PPP1R11: variants seen among roughly 807,000 people sequenced by gnomAD.
PPP1R11 encodes E3 ubiquitin-protein ligase PPP1R11.
Under a neutral mutation model 11.3 loss-of-function variants are expected in PPP1R11, and 10 were observed. That is an observed-to-expected ratio of 0.88 (90% confidence interval 0.55 to 1.50). PPP1R11 has a LOEUF of 1.50. Among genes scored for constraint, PPP1R11 ranks in the 40% most tolerant of loss-of-function variants. The probability of loss-of-function intolerance (pLI) is 0.00; values close to 1 mark genes in which losing one functional copy is unlikely to be tolerated. For synonymous variants in PPP1R11, 56 were observed against 62.3 expected, an observed-to-expected ratio of 0.90 and a Z score of 0.48; for missense variants, 114 against 179.1, an observed-to-expected ratio of 0.64 and a Z score of 2.07.
intron 1 of PPP1R11, chr6:30,067,780 A>C (rs975382036): frequency 1.0e-5 from 4 of 389,656 alleles, no homozygotes; most frequent in Non-Finnish European, 9.2e-6. Flanking sequence ...GGAGCCAGGA[A>C]GATGTTGGGA....
chr6:30,067,736 G>A (rs773811444), intron 1 of PPP1R11: 106 of 435,978 alleles, frequency 2.4e-4, no homozygotes, highest in Non-Finnish European at 3.7e-4. Context: ...GGTTATGTGT[G>A]TAAGTAATAA....
At position 30,069,319 on chromosome 6, in the gene PPP1R11, T is replaced by A; in HGVS notation, c.*13T>A. On this transcript the variant is annotated 3_prime_UTR_variant, in exon 3 of 3. Transcript: ENST00000376772. This position sits in a 1 kb window ranked among gnomAD's most constrained non-coding sequence, Gnocchi z 6.6. ...AATGCAGCACTAAATCCCTCTCTCCTCCAGCATTCCTGTGTCTGTCTGGCC... is the reference window on the plus strand; with the variant it reads ...AATGCAGCACTAAATCCCTCTCTCCACCAGCATTCCTGTGTCTGTCTGGCC... 2 of 1,517,856 alleles carry A rather than the reference T, an allele frequency of 1.3e-6. No homozygotes were observed. The highest frequency in any genetic ancestry group is 1.8e-6 in the Non-Finnish European group (2 of 1,119,862). The allele number at this position is 1,517,856 out of a possible 1,614,324, so 94.0% of individuals were successfully genotyped here.
chr6:30,069,041 A>G lies in PPP1R11; in HGVS notation c.179-63A>G, dbSNP rs1765737356. On this transcript the variant is annotated intron_variant, in intron 2 of 2. Coordinates refer to ENST00000376772, the MANE Select transcript of PPP1R11 (RefSeq NM_021959.3). The surrounding 1 kb of genome is among the most constrained non-coding windows in gnomAD (Gnocchi z 6.6). ...GAATTTTCACTGAGTTTGAGTGGGA[A>G]TGGAACTGACTATATATCTTACCCT... 1.0e-5 allele frequency: 15 copies of G among 1,462,152 alleles called. No individual in the cohort carries two copies. The highest frequency in any genetic ancestry group is 2.3e-5 in the South Asian group (2 of 86,340). The allele number at this position is 1,462,152 out of a possible 1,614,324, so 90.6% of individuals were successfully genotyped here.
chr6:30,061,848 G>C (rs971623693), upstream of PPP1R11: 10 of 1,579,734 alleles, frequency 6.3e-6, no homozygotes, highest in African/African-American at 9.4e-5. The surrounding 1 kb of genome is among the most constrained non-coding windows in gnomAD (Gnocchi z 5.0). Flanking sequence ...CCAGCCAGGG[G>C]AAAGGGGAGG....
chr6:30,066,512 T>C (rs114346141), upstream of PPP1R11, among the ~76,000 whole-genome samples: 7,138 of 152,328 alleles, frequency 0.047, 268 homozygotes, highest in Middle Eastern at 0.078. Context: ...GTAACTACAT[T>C]CAGATTTACA....
chr6:30,068,560 A>G, intron 1 of PPP1R11, 30 bp from the exon 2 acceptor site: 1 of 1,577,458 alleles, frequency 6.3e-7, no homozygotes, highest in African/African-American at 1.3e-5. Flanking sequence ...AGAGGGGACT[A>G]GATAGGTATG....
At chr6:30,068,974 TG>T in intron 2 of PPP1R11, 129 bp from the exon 3 acceptor site, 1 of 972,296 alleles carries the variant, frequency 1.0e-6, no homozygotes, top group Non-Finnish European at 1.5e-6. Flanking sequence ...TCCCAGAGGG[TG>T]GGCCTGGGGA....
At position 30,067,400 on chromosome 6, in the gene PPP1R11, G is replaced by A; in HGVS notation, c.-11G>A. 6.2e-7 allele frequency: 1 copy of A among 1,613,462 alleles called. No homozygotes were observed. Among genetic ancestry groups the A allele is most frequent in the South Asian group, 1.1e-5 (1 of 91,058 alleles). On this transcript the variant is annotated 5_prime_UTR_variant, in exon 1 of 3. Transcript: ENST00000376772. ...CCCTTCCTCCTCTCCTCCCTGTCCT[G>A]AGCCTTAGCCATGGCCGAGGCAGGG...
chr6:30,066,655 A>G (rs1454257845), upstream of PPP1R11: 1 of 152,260 alleles, frequency 6.6e-6, no homozygotes, highest in Admixed American at 6.5e-5. Context: ...GGCGTAGCAC[A>G]GTGACTGAAA....
intron 1 of PPP1R11, 26 bp downstream of exon 1, chr6:30,067,505 GT>G: frequency 1.2e-6 from 2 of 1,605,982 alleles, no homozygotes; most frequent in African/African-American, 1.3e-5. Context: ...GGGCGGTGCT[GT>G]TTAGGGGTCT....
At chr6:30,064,550 GA>G, upstream of PPP1R11, 1 of 752,390 alleles carries the variant, frequency 1.3e-6, no homozygotes, top group South Asian at 2.1e-5. Flanking sequence ...TTGTTTAGGG[GA>G]GCCAGTCCTC....
chr6:30,069,333 G>A lies in PPP1R11; in HGVS notation c.*27G>A. On this transcript the variant is annotated 3_prime_UTR_variant, in exon 3 of 3. Coordinates refer to ENST00000376772, the MANE Select transcript of PPP1R11 (RefSeq NM_021959.3). The surrounding 1 kb of genome is among the most constrained non-coding windows in gnomAD (Gnocchi z 6.6). ...TCCCTCTCTCCTCCAGCATTCCTGT[G>A]TCTGTCTGGCCCTAAATGTATCCAT... 1 of 1,530,154 alleles carries A rather than the reference G, an allele frequency of 6.5e-7. No homozygotes were observed. 94.8% of individuals were successfully genotyped at this position (1,530,154 alleles called of 1,614,324 possible).
At chr6:30,065,021 C>T (rs1235781988), upstream of PPP1R11, 3 of 275,488 alleles carry the variant, frequency 1.1e-5, no homozygotes, top group African/African-American at 4.4e-5. This position sits in a 1 kb window ranked among gnomAD's most constrained non-coding sequence, Gnocchi z 5.3. Context: ...AAAGTAGAGT[C>T]AGGAATGAGG....
intron 2 of PPP1R11, 69 bp downstream of exon 2, chr6:30,068,767 T>C: frequency 1.5e-6 from 2 of 1,361,072 alleles, no homozygotes; most frequent in Non-Finnish European, 2.1e-6. Context: ...TATCTACTCA[T>C]ATCCACTGGC....
At chr6:30,061,751 G>A (rs1765092525), upstream of PPP1R11, 2 of 1,594,668 alleles carry the variant, frequency 1.3e-6, no homozygotes, top group Non-Finnish European at 1.7e-6. This position sits in a 1 kb window ranked among gnomAD's most constrained non-coding sequence, Gnocchi z 5.0. Context: ...GGGTTGAGGA[G>A]GGGATCCTAG....
At chr6:30,063,947 G>C (rs1765312951), upstream of PPP1R11, among the ~76,000 whole-genome samples, 1 of 152,146 alleles carries the variant, frequency 6.6e-6, no homozygotes. This position sits in a 1 kb window ranked among gnomAD's most constrained non-coding sequence, Gnocchi z 4.1. Flanking sequence ...CCCTTCTATA[G>C]AGTTGAATTT....
the PPP1R11 span, chr6:30,061,634 C>T: frequency 1.5e-5 from 25 of 1,612,910 alleles, no homozygotes; most frequent in East Asian, 5.6e-4. The surrounding 1 kb of genome is among the most constrained non-coding windows in gnomAD (Gnocchi z 5.0). Context: ...GATACGGTCA[C>T]CTGTATTCGC....
At position 30,069,791 on chromosome 6, in the gene PPP1R11, A is replaced by T. The variant is rs1346163340; in HGVS notation, c.*485A>T. On this transcript the variant is annotated 3_prime_UTR_variant, in exon 3 of 3. Transcript: ENST00000376772. The surrounding 1 kb of genome is among the most constrained non-coding windows in gnomAD (Gnocchi z 6.6). ...TCTTAGTCCTTGCCTGTGAGATATG[A>T]GGTCTTACAGGAGACCTCAGAGCTC... The T allele has an allele frequency of 6.4e-6, 1 of 156,466 alleles. No individual in the cohort carries two copies. The highest frequency in any genetic ancestry group is 1.4e-5 in the Non-Finnish European group (1 of 70,854). 9.7% of individuals were successfully genotyped at this position (156,466 alleles called of 1,614,324 possible). A position where few individuals can be genotyped will look rare whatever the true frequency, so the allele number is the denominator to read the frequency against.
chr6:30,069,705 G>A lies in PPP1R11; in HGVS notation c.*399G>A, dbSNP rs180960420. On this transcript the variant is annotated 3_prime_UTR_variant, in exon 3 of 3. Coordinates refer to ENST00000376772, the MANE Select transcript of PPP1R11 (RefSeq NM_021959.3). The surrounding 1 kb of genome is among the most constrained non-coding windows in gnomAD (Gnocchi z 6.6). The stretch of plus-strand genomic sequence containing the variant: ...TCCCAGTCAGATTCCAGGAATTTGC[G>A]CCCTAACTTTGCTTGCTAATCCTGG... 7 of 212,988 alleles carry A rather than the reference G, an allele frequency of 3.3e-5. No homozygotes were observed. The highest frequency in any genetic ancestry group is 9.9e-5 in the East Asian group (1 of 10,074). The allele number at this position is 212,988 out of a possible 1,614,324, so 13.2% of individuals were successfully genotyped here. A position where few individuals can be genotyped will look rare whatever the true frequency, so the allele number is the denominator to read the frequency against.
Sources: allele counts gnomAD v4.1 joint callset (sites outside exome capture counted in the v4.1 genomes callset), GRCh38; gene constraint gnomAD v4.1.1; non-coding constraint Gnocchi (gnomAD v3.1); transcripts MANE v1.5; gene names NCBI Gene and HGNC (gene_info 2026-07-23, HGNC 2026-07-21).